ESCO2: variants seen among roughly 807,000 people sequenced by gnomAD.
The protein encoded by ESCO2 is N-acetyltransferase ESCO2.
Under a neutral mutation model 61.7 loss-of-function variants are expected in ESCO2, and 51 were observed. The ratio of observed to expected loss-of-function variants is 0.83; its 90% CI spans 0.66 to 1.04. The LOEUF (loss-of-function observed/expected upper bound fraction) is 1.04, where lower values mean the gene tolerates loss of function less well. ESCO2 is among the 50% of genes least tolerant of loss of function. The pLI, the probability that ESCO2 is intolerant of heterozygous loss-of-function variation, is 0.00. For missense variants in ESCO2, 692 were observed against 686.2 expected (o/e 1.01, Z -0.09); for synonymous variants, 230 against 238.2 (o/e 0.97, Z 0.32).
At chr8:27,816,378 TTTTAATTTA>T (rs1463696739), downstream of ESCO2, among the ~76,000 whole-genome samples, 99 of 145,028 alleles carry the variant, frequency 6.8e-4, no homozygotes, top group African/African-American at 2.5e-3. Context: ...TATTTATTTA[TTTTAATTTA>T]TTTTTTTTTG....
intron 7 of ESCO2, among the ~76,000 whole-genome samples, chr8:27,791,140 A>G (rs568707060): frequency 4.6e-5 from 7 of 152,372 alleles, no homozygotes; most frequent in African/African-American, 1.7e-4. Flanking sequence ...ACATACTATT[A>G]TATAAACTTA....
At chr8:27,813,087 G>A (rs1805727095), downstream of ESCO2, among the ~76,000 whole-genome samples, 1 of 152,150 alleles carries the variant, frequency 6.6e-6, no homozygotes, top group African/African-American at 2.4e-5. Flanking sequence ...GTCCGTCAAT[G>A]ACTGGATTAA....
downstream of ESCO2, among the ~76,000 whole-genome samples, chr8:27,806,720 A>G (rs927901092): frequency 1.3e-5 from 2 of 151,782 alleles, no homozygotes; most frequent in Non-Finnish European, 2.9e-5. Flanking sequence ...CCCGGGTTCA[A>G]GCTATTGTCT....
the ESCO2 span, among the ~76,000 whole-genome samples, chr8:27,819,382 A>C: frequency 0.16 from 23,931 of 152,070 alleles, 2,394 homozygotes; most frequent in East Asian, 0.37. Context: ...GTAGTTTTGA[A>C]CATATCAAAT....
chr8:27,785,146 C>T (rs1805009795), intron 5 of ESCO2, among the ~76,000 whole-genome samples: 1 of 152,194 alleles, frequency 6.6e-6, no homozygotes, highest in African/African-American at 2.4e-5. Flanking sequence ...GCTGCATGAT[C>T]CCATGGCGGA....
At chr8:27,805,921 G>A (rs554539904), downstream of ESCO2, among the ~76,000 whole-genome samples, 18 of 152,076 alleles carry the variant, frequency 1.2e-4, no homozygotes, top group African/African-American at 3.6e-4. Flanking sequence ...TGTGAGCCAC[G>A]GCACCCAGCC....
chr8:27,809,103 A>T (rs780291833), downstream of ESCO2, among the ~76,000 whole-genome samples: 2 of 152,136 alleles, frequency 1.3e-5, no homozygotes, highest in Non-Finnish European at 2.9e-5. Flanking sequence ...CCTGCTAGGA[A>T]AAGAATGCCC....
chr8:27,800,934 A>T (rs1425454420), intron 10 of ESCO2, among the ~76,000 whole-genome samples: 1 of 152,170 alleles, frequency 6.6e-6, no homozygotes, highest in Non-Finnish European at 1.5e-5. Flanking sequence ...GTTTCCAGGG[A>T]CTGAGGAAAG....
At chr8:27,773,279 A>G, upstream of ESCO2, among the ~76,000 whole-genome samples, 1 of 152,220 alleles carries the variant, frequency 6.6e-6, no homozygotes, top group South Asian at 2.1e-4. Context: ...CACACAAGAC[A>G]CTATGACATG....
intron 3 of ESCO2, 120 bp from the exon 4 acceptor site, chr8:27,780,054 T>C (rs1804887970): frequency 1.4e-6 from 1 of 692,434 alleles, no homozygotes; most frequent in Admixed American, 2.6e-5. Flanking sequence ...AATCACATTA[T>C]GAAATGTAAT....
intron 10 of ESCO2, among the ~76,000 whole-genome samples, chr8:27,802,658 A>ATATATATATATATATATAT (rs1805474329): frequency 2.3e-5 from 2 of 87,362 alleles, no homozygotes; most frequent in Non-Finnish European, 4.3e-5. Context: ...TATATATATT[A>ATATATATATATATATATAT]TATATATATA....
At chr8:27,803,270 G>C (rs776269417) in intron 10 of ESCO2, 36 bp from the exon 11 acceptor site, 2 of 1,579,262 alleles carry the variant, frequency 1.3e-6, no homozygotes, top group Admixed American at 3.3e-5. Context: ...ATGTTAAGTT[G>C]CTTCCATCAT....
intron 1 of ESCO2, among the ~76,000 whole-genome samples, chr8:27,775,189 G>T (rs1804760157): frequency 6.6e-6 from 1 of 152,184 alleles, no homozygotes; most frequent in Admixed American, 6.5e-5. Context: ...AATGGCAGAG[G>T]ACTGTGCTTC....
At position 27,803,373 on chromosome 8, in the gene ESCO2, G is replaced by T. The variant is rs1452013983; in HGVS notation, c.1741G>T (p.Gly581Cys). ...EIAFSDPTPD[G>C]KLFATKYCNT... is the part of the protein sequence containing the mutation. Reference sequence around the variant, plus strand: ...AGCATTTTCTGACCCAACACCAGATGGCAAGTTATTTGCAACCAAGTACTG... The same window carrying T: ...AGCATTTTCTGACCCAACACCAGATTGCAAGTTATTTGCAACCAAGTACTG... The change falls in exon 11 of 11, where the codon GGC becomes TGC. Residue 581 changes from glycine to cysteine, a missense_variant. Coordinates refer to ENST00000305188, the MANE Select transcript of ESCO2 (RefSeq NM_001017420.3). The T allele has an allele frequency of 1.2e-6, 2 of 1,613,930 alleles. No homozygotes were observed. The highest frequency in any genetic ancestry group is 2.2e-5 in the East Asian group (1 of 44,862).
chr8:27,808,269 C>T (rs764226259), downstream of ESCO2: 1 of 1,170,926 alleles, frequency 8.5e-7, no homozygotes, highest in South Asian at 1.5e-5. Context: ...TGCTGATTAT[C>T]TCCTTTTATG....
chr8:27,789,264 G>T (rs1484632832), intron 7 of ESCO2, among the ~76,000 whole-genome samples: 1 of 152,068 alleles, frequency 6.6e-6, no homozygotes, highest in Non-Finnish European at 1.5e-5. Flanking sequence ...ACTTCTCCAG[G>T]TTTTTTCTGA....
At chr8:27,796,947 CCT>C (rs1188964837) in intron 9 of ESCO2, among the ~76,000 whole-genome samples, 7 of 151,896 alleles carry the variant, frequency 4.6e-5, no homozygotes, top group Non-Finnish European at 1.0e-4. Flanking sequence ...ATAGTGAGAC[CCT>C]GTCTTTACAA....
downstream of ESCO2, among the ~76,000 whole-genome samples, chr8:27,814,271 A>G (rs1273407649): frequency 6.6e-6 from 1 of 152,062 alleles, no homozygotes; most frequent in Non-Finnish European, 1.5e-5. Flanking sequence ...GGTAAATTGT[A>G]TTTTTCAAAG....
downstream of ESCO2, among the ~76,000 whole-genome samples, chr8:27,817,412 G>GGAAATCTGCATTTAAAAT (rs1805839443): frequency 6.6e-6 from 1 of 151,900 alleles, no homozygotes; most frequent in Non-Finnish European, 1.5e-5. Context: ...ACGACAGTTT[G>GGAAATCTGCATTTAAAAT]GAAATCTGCA....
Sources: allele counts gnomAD v4.1 joint callset (sites outside exome capture counted in the v4.1 genomes callset), GRCh38; gene constraint gnomAD v4.1.1; transcripts MANE v1.5; gene names NCBI Gene and HGNC (gene_info 2026-07-23, HGNC 2026-07-21).